The following PHACTR1 variants were observed in gnomAD, a reference collection of about 807,000 sequenced individuals.
PHACTR1 encodes RPEL repeat containing 1.
PHACTR1 carries 16 observed loss-of-function variants against 69.2 expected under a neutral mutation model. The ratio of observed to expected loss-of-function variants is 0.23; its 90% CI spans 0.16 to 0.35. The LOEUF (loss-of-function observed/expected upper bound fraction) is 0.35. Ranked by LOEUF, PHACTR1 falls within the 10% of genes least tolerant of loss-of-function variation. The pLI is 1.00. For missense variants in PHACTR1, 510 were observed against 734.7 expected (o/e 0.69, Z 3.54); for synonymous variants, 312 against 284.5 (o/e 1.10, Z -0.97).
chr6:12,874,348 T>G (rs1437139402), intron 4 of PHACTR1, among the ~76,000 whole-genome samples: 1 of 152,172 alleles, frequency 6.6e-6, no homozygotes, highest in African/African-American at 2.4e-5. Flanking sequence ...AGGGGAGAGC[T>G]GAACTCATGG....
chr6:13,157,074 T>A (rs746689902), intron 5 of PHACTR1, among the ~76,000 whole-genome samples: 7 of 152,208 alleles, frequency 4.6e-5, no homozygotes, highest in Non-Finnish European at 1.0e-4. Context: ...CCATGAGGCC[T>A]TTCATGGCCC....
chr6:13,066,776 T>C (rs894919750), intron 5 of PHACTR1, among the ~76,000 whole-genome samples: 6 of 152,162 alleles, frequency 3.9e-5, no homozygotes, highest in African/African-American at 1.4e-4. Context: ...TTATGTTGTC[T>C]CAGGGCTTTT....
At chr6:12,943,495 G>T (rs565591165) in intron 4 of PHACTR1, among the ~76,000 whole-genome samples, 1 of 152,280 alleles carries the variant, frequency 6.6e-6, no homozygotes, top group Non-Finnish European at 1.5e-5. Flanking sequence ...ACCTTAAAAT[G>T]GTTACAATAG....
chr6:12,885,360 G>C (rs1049328965), intron 4 of PHACTR1, among the ~76,000 whole-genome samples: 1 of 152,204 alleles, frequency 6.6e-6, no homozygotes. Flanking sequence ...ATTTATTAAC[G>C]TGGGTTTTCC....
intron 10 of PHACTR1, among the ~76,000 whole-genome samples, chr6:13,241,601 C>G (rs56850307): frequency 6.6e-6 from 1 of 152,178 alleles, no homozygotes; most frequent in East Asian, 1.9e-4. Flanking sequence ...ATCTGTAAAA[C>G]GGACCTCCCA....
At chr6:12,955,678 G>C (rs1473334076) in intron 4 of PHACTR1, among the ~76,000 whole-genome samples, 1 of 152,170 alleles carries the variant, frequency 6.6e-6, no homozygotes, top group African/African-American at 2.4e-5. Context: ...TATTAAGAAA[G>C]AAGTTACTGT....
At chr6:13,153,756 G>A (rs922406734) in intron 5 of PHACTR1, among the ~76,000 whole-genome samples, 15 of 152,228 alleles carry the variant, frequency 9.9e-5, no homozygotes, top group East Asian at 3.9e-4. Context: ...ACTAGACTCC[G>A]GATTTTTCTG....
At chr6:13,184,651 G>C (rs895026897) in intron 7 of PHACTR1, 7 of 456,018 alleles carry the variant, frequency 1.5e-5, no homozygotes, top group Non-Finnish European at 2.7e-5. Flanking sequence ...TGGCCTCCTC[G>C]CTGTAGCTCT....
intron 4 of PHACTR1, among the ~76,000 whole-genome samples, chr6:12,757,634 T>C (rs1767488628): frequency 6.6e-6 from 1 of 152,100 alleles, no homozygotes; most frequent in South Asian, 2.1e-4. Context: ...ATACAGCCAG[T>C]ATGCGTTCAT....
intron 5 of PHACTR1, among the ~76,000 whole-genome samples, chr6:13,084,322 A>G (rs1191137894): frequency 1.4e-5 from 2 of 141,948 alleles, no homozygotes; most frequent in Non-Finnish European, 3.0e-5. Flanking sequence ...GAATTGAACA[A>G]TGAGAACACA....
intron 10 of PHACTR1, among the ~76,000 whole-genome samples, chr6:13,263,343 G>GAAAA (rs71552741): frequency 3.2e-5 from 4 of 126,190 alleles, no homozygotes; most frequent in Non-Finnish European, 1.6e-5. Flanking sequence ...TGTTCAGACT[G>GAAAA]AAAAAAAAAA....
rs548308919 is a variant in PHACTR1 at position 13,246,671 on chromosome 6, T to C, written c.1391+16478T>C. 6.6e-6 allele frequency among the ~76,000 whole-genome samples: 1 copy of C among 152,318 alleles called. No individual in the cohort carries two copies. The highest frequency in any genetic ancestry group is 2.1e-4 in the South Asian group (1 of 4,824). ...CTCTTTCTCCCTCACCCACCAAATTTGGCTTCAGGCTTGATGGGATGTGAT... is the reference window on the plus strand; with the variant it reads ...CTCTTTCTCCCTCACCCACCAAATTCGGCTTCAGGCTTGATGGGATGTGAT... On this transcript the variant is annotated intron_variant, in intron 10 of 14. Coordinates refer to ENST00000332995, the MANE Select transcript of PHACTR1 (RefSeq NM_030948.6). This position sits in a 1 kb window ranked among gnomAD's most constrained non-coding sequence, Gnocchi z 4.2.
At chr6:13,064,839 A>C (rs9473370) in intron 5 of PHACTR1, among the ~76,000 whole-genome samples, 30,404 of 150,884 alleles carry the variant, frequency 0.2, 3,233 homozygotes, top group South Asian at 0.26. Flanking sequence ...AGTCAACTTG[A>C]TTTTTGTGAT....
intron 7 of PHACTR1, among the ~76,000 whole-genome samples, chr6:13,190,042 T>A (rs1203135093): frequency 3.5e-4 from 52 of 146,670 alleles, no homozygotes; most frequent in South Asian, 2.8e-3. Flanking sequence ...TTTTTTTTTT[T>A]AAAACAGTTT....
intron 10 of PHACTR1, among the ~76,000 whole-genome samples, chr6:13,234,196 G>A (rs935452537): frequency 2.0e-5 from 3 of 152,230 alleles, no homozygotes; most frequent in Non-Finnish European, 2.9e-5. Flanking sequence ...AAGTGACTGT[G>A]GTAGAGAGCG....
At chr6:12,941,004 A>G (rs1790001316) in intron 4 of PHACTR1, among the ~76,000 whole-genome samples, 1 of 152,214 alleles carries the variant, frequency 6.6e-6, no homozygotes, top group Admixed American at 6.5e-5. Context: ...GCTTGGCCTT[A>G]AAGAGGTGCT....
chr6:13,133,827 C>T (rs6939931), intron 5 of PHACTR1, among the ~76,000 whole-genome samples: 21,146 of 150,350 alleles, frequency 0.14, 1,710 homozygotes, highest in Middle Eastern at 0.2. Flanking sequence ...TCTGCCCAGC[C>T]GCCATCCCAT....
At chr6:12,935,403 C>CA (rs1562028100) in intron 4 of PHACTR1, among the ~76,000 whole-genome samples, 1 of 152,026 alleles carries the variant, frequency 6.6e-6, no homozygotes. Context: ...AACACCACAC[C>CA]CAGCTAATTT....
intron 10 of PHACTR1, among the ~76,000 whole-genome samples, chr6:13,235,963 T>C (rs1771929191): frequency 6.6e-6 from 1 of 152,176 alleles, no homozygotes; most frequent in African/African-American, 2.4e-5. Flanking sequence ...ACACAGGAGT[T>C]TATCATCTAA....
Sources: allele counts gnomAD v4.1 joint callset (sites outside exome capture counted in the v4.1 genomes callset), GRCh38; gene constraint gnomAD v4.1.1; non-coding constraint Gnocchi (gnomAD v3.1); transcripts MANE v1.5; gene names NCBI Gene and HGNC (gene_info 2026-07-23, HGNC 2026-07-21).